Variants in MNAT1 observed in about 807,000 individuals in gnomAD.
MNAT1 encodes CDK-activating kinase assembly factor MAT1.
A neutral mutation model predicts 42.0 loss-of-function variants in MNAT1; 43 were observed. That is an observed-to-expected ratio of 1.02 (90% confidence interval 0.80 to 1.32). The LOEUF is 1.32. Among genes scored for constraint, MNAT1 ranks in the 40% most tolerant of loss-of-function variants. The pLI is 0.00. For missense variants in MNAT1, 306 were observed against 350.4 expected, an observed-to-expected ratio of 0.87 and a Z score of 1.01; for synonymous variants, 118 against 120.0, an observed-to-expected ratio of 0.98 and a Z score of 0.11.
intron 6 of MNAT1, among the ~76,000 whole-genome samples, chr14:60,862,754 T>C (rs1248691500): frequency 6.6e-6 from 1 of 152,218 alleles, no homozygotes; most frequent in Non-Finnish European, 1.5e-5. Context: ...TTAATATGTT[T>C]TCATACAGAT....
At chr14:60,852,061 G>C (rs1048854323) in intron 6 of MNAT1, among the ~76,000 whole-genome samples, 1 of 151,638 alleles carries the variant, frequency 6.6e-6, no homozygotes, top group Non-Finnish European at 1.5e-5. Flanking sequence ...CTTTGGGATT[G>C]CTGGGTCAAA....
chr14:60,738,582 A>G lies in MNAT1; in HGVS notation c.89+3631A>G, dbSNP rs374128841. 6.1e-4 allele frequency among the ~76,000 whole-genome samples: 92 copies of G among 151,718 alleles called. No individual in the cohort carries two copies. In the East Asian group the frequency reaches 7.0e-3, roughly 12 times the overall value. ...AGATGGAGTTTTGCTCTTGTTGCCC[A>G]GGCTGGAGTGCAATGGCGTGATAGC... On this transcript the variant is annotated intron_variant, in intron 1 of 7. Transcript: ENST00000261245.
intron 7 of MNAT1, among the ~76,000 whole-genome samples, chr14:60,943,338 T>C (rs1566572215): frequency 6.6e-6 from 1 of 152,186 alleles, no homozygotes; most frequent in Non-Finnish European, 1.5e-5. Context: ...TTCAGAGCAC[T>C]TCACAGTTTC....
At chr14:60,815,103 G>C (rs749356192) in intron 5 of MNAT1, among the ~76,000 whole-genome samples, 1 of 151,930 alleles carries the variant, frequency 6.6e-6, no homozygotes, top group African/African-American at 2.4e-5. Context: ...CCCAAATATA[G>C]AACTTTGATA....
chr14:60,961,643 T>G (rs2036594264), intron 7 of MNAT1, among the ~76,000 whole-genome samples: 1 of 152,236 alleles, frequency 6.6e-6, no homozygotes, highest in Non-Finnish European at 1.5e-5. Context: ...AATATGTTTC[T>G]TTTCTGCTGG....
intron 6 of MNAT1, among the ~76,000 whole-genome samples, chr14:60,855,230 G>A (rs1341554811): frequency 1.3e-5 from 2 of 152,082 alleles, no homozygotes; most frequent in Non-Finnish European, 2.9e-5. Context: ...TCAAGCCAGT[G>A]GTTCTTAGCT....
At chr14:60,816,216 T>A (rs1462360633) in intron 5 of MNAT1, among the ~76,000 whole-genome samples, 1 of 152,156 alleles carries the variant, frequency 6.6e-6, no homozygotes. Flanking sequence ...TATATTATAC[T>A]GTATGTGACG....
intron 7 of MNAT1, among the ~76,000 whole-genome samples, chr14:60,887,412 C>T (rs1366995078): frequency 1.5e-5 from 2 of 131,118 alleles, no homozygotes; most frequent in African/African-American, 5.8e-5. Flanking sequence ...ACAACAGTCC[C>T]CAGAGTGTGA....
chr14:60,781,777 A>T (rs2031468522), intron 1 of MNAT1, among the ~76,000 whole-genome samples: 1 of 152,046 alleles, frequency 6.6e-6, no homozygotes, highest in Non-Finnish European at 1.5e-5. Flanking sequence ...CTTTTTGTGT[A>T]TAGGGTGAAA....
At chr14:60,881,858 T>G (rs2034558526) in intron 7 of MNAT1, among the ~76,000 whole-genome samples, 1 of 152,052 alleles carries the variant, frequency 6.6e-6, no homozygotes, top group African/African-American at 2.4e-5. Flanking sequence ...ACCCTGTTGT[T>G]CTATCAAATA....
chr14:60,802,222 A>C (rs1174955352), intron 3 of MNAT1, among the ~76,000 whole-genome samples: 1 of 152,110 alleles, frequency 6.6e-6, no homozygotes, highest in Non-Finnish European at 1.5e-5. Context: ...AGGATATGAA[A>C]TTTCAATTAG....
intron 7 of MNAT1, among the ~76,000 whole-genome samples, chr14:60,910,923 G>C (rs180746873): frequency 5.5e-4 from 84 of 152,224 alleles, no homozygotes; most frequent in East Asian, 5.0e-3. Flanking sequence ...TTGTACCTCT[G>C]GTAAAATTCG....
chr14:60,933,487 C>A (rs4151371), intron 7 of MNAT1, among the ~76,000 whole-genome samples: 3 of 151,650 alleles, frequency 2.0e-5, no homozygotes, highest in African/African-American at 7.3e-5. Context: ...CTCTTAACAC[C>A]AAGGGAAAGT....
intron 7 of MNAT1, among the ~76,000 whole-genome samples, chr14:60,938,500 G>A (rs28813167): frequency 0.26 from 39,036 of 152,024 alleles, 6,416 homozygotes; most frequent in Admixed American, 0.35. Flanking sequence ...GTTTTTTGTC[G>A]TTGGTTCTGT....
intron 6 of MNAT1, among the ~76,000 whole-genome samples, chr14:60,841,145 C>T (rs1468675404): frequency 2.0e-5 from 3 of 151,434 alleles, no homozygotes; most frequent in African/African-American, 7.3e-5. Flanking sequence ...TTCTCTCTCT[C>T]CCTCTCTCCC....
At chr14:60,943,041 T>TGTGTGTGC (rs1555338070) in intron 7 of MNAT1, among the ~76,000 whole-genome samples, 5 of 107,100 alleles carry the variant, frequency 4.7e-5, no homozygotes, top group Non-Finnish European at 5.5e-5. Flanking sequence ...TGTGTGTGTG[T>TGTGTGTGC]GTGTGTGTGC....
At chr14:60,875,062 C>T (rs1478063430) in intron 6 of MNAT1, among the ~76,000 whole-genome samples, 2 of 151,946 alleles carry the variant, frequency 1.3e-5, no homozygotes, top group East Asian at 1.9e-4. Flanking sequence ...TTTGTCTTAT[C>T]GTACTTATGG....
intron 7 of MNAT1, among the ~76,000 whole-genome samples, chr14:60,889,515 C>T (rs2034778944): frequency 6.6e-6 from 1 of 152,260 alleles, no homozygotes; most frequent in Non-Finnish European, 1.5e-5. Context: ...AAAACCTAGG[C>T]AATACCATTG....
chr14:60,918,318 C>T (rs990947019), intron 7 of MNAT1, among the ~76,000 whole-genome samples: 1 of 140,146 alleles, frequency 7.1e-6, no homozygotes, highest in African/African-American at 2.6e-5. Flanking sequence ...ACGCCATTCT[C>T]CTGCCTCAGC....
Sources: allele counts gnomAD v4.1 joint callset (sites outside exome capture counted in the v4.1 genomes callset), GRCh38; gene constraint gnomAD v4.1.1; transcripts MANE v1.5; gene names NCBI Gene and HGNC (gene_info 2026-07-23, HGNC 2026-07-21).